Variants in LRRC1 observed in about 807,000 individuals in gnomAD.
LRRC1 encodes the protein leucine-rich repeat-containing protein 1.
Under a neutral mutation model 69.9 loss-of-function variants are expected in LRRC1, and 28 were observed. The observed-to-expected ratio is 0.40, with a 90% CI of 0.30 to 0.55. LRRC1 has a LOEUF of 0.55. Ranked by LOEUF, LRRC1 falls within the 20% of genes least tolerant of loss-of-function variation. LRRC1 has a pLI of 0.47. For missense variants in LRRC1, 498 were observed against 609.0 expected (o/e 0.82, Z 1.92); for synonymous variants, 236 against 240.2 (o/e 0.98, Z 0.16).
intron 1 of LRRC1, among the ~76,000 whole-genome samples, chr6:53,803,959 T>C (rs1764564562): frequency 6.6e-6 from 1 of 152,122 alleles, no homozygotes; most frequent in African/African-American, 2.4e-5. Flanking sequence ...ACCAGGCGCC[T>C]GAGTCAAATG....
rs191677830 is a variant in LRRC1 at position 53,834,069 on chromosome 6, C to G, written c.160-8041C>G. Among the ~76,000 whole-genome samples the G allele has an allele frequency of 3.2e-4, 48 of 152,334 alleles. No homozygotes were observed. The East Asian group carries it at 7.1e-3, about 23-fold the overall frequency. ...ATACCTCCCCTATTGCCTTCAGAAA[C>G]TAGACCTAGCTGAGCCTTTTTTCTT... On this transcript the variant is annotated intron_variant, in intron 1 of 13. Coordinates refer to ENST00000370888, the MANE Select transcript of LRRC1 (RefSeq NM_018214.5).
intron 4 of LRRC1, among the ~76,000 whole-genome samples, chr6:53,885,841 T>A (rs1767456991): frequency 6.6e-6 from 1 of 152,158 alleles, no homozygotes; most frequent in South Asian, 2.1e-4. Flanking sequence ...GTCAGTTAAT[T>A]TGAAGAAGTT....
rs371335714 is a variant in LRRC1, at chr6:53,880,522, T to A, written c.356+1451T>A. ...CAGTTACCTGTGCTGGACATCAGTC[T>A]CTGCTGTAACATAAAGTGCTTCTAG... On this transcript the variant is annotated intron_variant, in intron 3 of 13. Coordinates refer to ENST00000370888, the MANE Select transcript of LRRC1 (RefSeq NM_018214.5). 9.8e-5 allele frequency among the ~76,000 whole-genome samples: 15 copies of A among 152,318 alleles called. No individual in the cohort carries two copies. In the South Asian group the frequency reaches 1.2e-3, roughly 13 times the overall value.
chr6:53,881,792 T>G (rs1228270179), intron 3 of LRRC1, among the ~76,000 whole-genome samples: 2 of 152,236 alleles, frequency 1.3e-5, no homozygotes, highest in African/African-American at 4.8e-5. Context: ...ATTAGCAGAT[T>G]TATGTTTAAT....
intron 2 of LRRC1, among the ~76,000 whole-genome samples, chr6:53,860,774 A>G (rs1327119977): frequency 6.6e-6 from 1 of 152,184 alleles, no homozygotes; most frequent in Non-Finnish European, 1.5e-5. Flanking sequence ...TGCAGGCTCT[A>G]AAGGTTGGAT....
intron 1 of LRRC1, among the ~76,000 whole-genome samples, chr6:53,802,134 C>T (rs773647415): frequency 5.9e-5 from 9 of 152,160 alleles, no homozygotes; most frequent in Non-Finnish European, 1.3e-4. Context: ...TGCAGAATGC[C>T]ATGACAGCTA....
intron 10 of LRRC1, among the ~76,000 whole-genome samples, chr6:53,913,109 C>T (rs1022122353): frequency 1.3e-5 from 2 of 152,054 alleles, no homozygotes; most frequent in African/African-American, 4.8e-5. Context: ...AAATTGCTTA[C>T]TTTAAAAAAA....
At chr6:53,827,531 CAG>C (rs1163018690) in intron 1 of LRRC1, among the ~76,000 whole-genome samples, 1 of 152,088 alleles carries the variant, frequency 6.6e-6, no homozygotes, top group Non-Finnish European at 1.5e-5. Context: ...GTAAAGGCCT[CAG>C]AGAGGTCGTG....
At chr6:53,805,530 G>A (rs76312823) in intron 1 of LRRC1, among the ~76,000 whole-genome samples, 1 of 152,290 alleles carries the variant, frequency 6.6e-6, no homozygotes, top group East Asian at 1.9e-4. Context: ...ACTTGAAGAT[G>A]AAGTATACAT....
At chr6:53,891,342 T>C (rs1327129014) in intron 4 of LRRC1, among the ~76,000 whole-genome samples, 2 of 151,958 alleles carry the variant, frequency 1.3e-5, no homozygotes, top group Non-Finnish European at 2.9e-5. Context: ...AATTGAAGGA[T>C]GAAATGTTTA....
Position 53,896,831 on chromosome 6 carries a change from C to G in LRRC1, c.506C>G (p.Ser169Cys). The change falls in exon 6 of 14, where the codon TCT (serine) becomes TGT (cysteine). Residue 169 changes from serine to cysteine, a missense_variant and splice_region_variant. Ser to Cys is a moderately radical substitution (Grantham distance 112, BLOSUM62 -1). Transcript: ENST00000370888. ...TCTTTATTTATTTTTTAAAATAGCT[C>G]TCTTACCCAGCTGCGAAGACTAGAA... ...RENLLTYLPD[S>C]LTQLRRLEEL... 1 of 1,594,942 alleles carries G rather than the reference C, an allele frequency of 6.3e-7. No individual in the cohort carries two copies. The highest frequency in any genetic ancestry group is 8.6e-7 in the Non-Finnish European group (1 of 1,163,154).
chr6:53,895,374 T>C (rs1767836750), intron 4 of LRRC1, among the ~76,000 whole-genome samples: 1 of 152,250 alleles, frequency 6.6e-6, no homozygotes, highest in South Asian at 2.1e-4. Flanking sequence ...TAAGCATGTA[T>C]ATACACTGTT....
intron 1 of LRRC1, among the ~76,000 whole-genome samples, chr6:53,837,107 A>C (rs994230900): frequency 1.3e-5 from 2 of 152,112 alleles, no homozygotes; most frequent in Admixed American, 1.3e-4. Flanking sequence ...TAATACCTCT[A>C]TCAGATCCAC....
chr6:53,920,432 C>G (rs980031526), intron 12 of LRRC1, 193 bp from the exon 13 acceptor site: 2 of 525,000 alleles, frequency 3.8e-6, no homozygotes, highest in Non-Finnish European at 6.7e-6. Context: ...TGTCCCAGGC[C>G]TTTTTCTTTT....
chr6:53,825,686 A>C (rs1272615611), intron 1 of LRRC1, among the ~76,000 whole-genome samples: 1 of 152,046 alleles, frequency 6.6e-6, no homozygotes, highest in Admixed American at 6.6e-5. Context: ...GTAAACTCTG[A>C]GGGTTAGGCC....
intron 9 of LRRC1, among the ~76,000 whole-genome samples, chr6:53,903,620 G>A (rs1296549252): frequency 6.6e-6 from 1 of 150,972 alleles, no homozygotes; most frequent in African/African-American, 2.4e-5. Flanking sequence ...AATAGAGTAA[G>A]TAATGTTCTT....
At chr6:53,888,988 T>G (rs1488166840) in intron 4 of LRRC1, among the ~76,000 whole-genome samples, 1 of 152,174 alleles carries the variant, frequency 6.6e-6, no homozygotes, top group Non-Finnish European at 1.5e-5. Context: ...CCAGAATATA[T>G]TTAGAACTTT....
At chr6:53,845,072 C>G (rs2127417289) in intron 2 of LRRC1, among the ~76,000 whole-genome samples, 1 of 152,270 alleles carries the variant, frequency 6.6e-6, no homozygotes, top group South Asian at 2.1e-4. Flanking sequence ...GGCTTGGTGG[C>G]ACGTGCCTGT....
In LRRC1 at chr6:53,923,483, GT is replaced by G. The variant is rs1768799417; in HGVS notation, c.*692del. 6.6e-6 allele frequency: 1 copy of G among 152,560 alleles called. No homozygotes were observed. Among genetic ancestry groups the G allele is most frequent in the Admixed American group, 6.5e-5 (1 of 15,270 alleles). The allele number at this position is 152,560 out of a possible 1,614,324, so 9.5% of individuals were successfully genotyped here. On this transcript the variant is annotated 3_prime_UTR_variant, in exon 14 of 14. Transcript: ENST00000370888. ...TAGGAATGTGGTGTTTTAAAGCAGTGTTGCATTTTAATCAGTAATCTACCTG... is the reference window on the plus strand; with the variant it reads ...TAGGAATGTGGTGTTTTAAAGCAGTGTGCATTTTAATCAGTAATCTACCTG...
Sources: allele counts gnomAD v4.1 joint callset (sites outside exome capture counted in the v4.1 genomes callset), GRCh38; gene constraint gnomAD v4.1.1; transcripts MANE v1.5; gene names NCBI Gene and HGNC (gene_info 2026-07-23, HGNC 2026-07-21).